Variants in NECAB1 observed in about 807,000 individuals in gnomAD.
NECAB1 encodes N-terminal EF-hand calcium-binding protein 1.
A neutral mutation model predicts 57.5 loss-of-function variants in NECAB1; 29 were observed. That is an observed-to-expected ratio of 0.50 (90% CI 0.38 to 0.69). The LOEUF (loss-of-function observed/expected upper bound fraction) is 0.69. NECAB1 is among the 30% of genes least tolerant of loss of function. The pLI, the probability that NECAB1 is intolerant of heterozygous loss-of-function variation, is 0.00. For synonymous variants in NECAB1, 142 were observed against 147.7 expected, an observed-to-expected ratio of 0.96 and a Z score of 0.28; for missense variants, 372 against 413.8, an observed-to-expected ratio of 0.90 and a Z score of 0.88.
chr8:90,875,765 C>G (rs71528760), intron 4 of NECAB1, among the ~76,000 whole-genome samples: 1 of 150,910 alleles, frequency 6.6e-6, no homozygotes, highest in Non-Finnish European at 1.5e-5. Context: ...GTAATCCCAG[C>G]ACTTTGGGAG....
intron 3 of NECAB1, among the ~76,000 whole-genome samples, chr8:90,849,797 C>G (rs1194764418): frequency 6.7e-6 from 1 of 150,160 alleles, no homozygotes; most frequent in Non-Finnish European, 1.5e-5. Context: ...AGGTTCACGC[C>G]ATTCTCCTGC....
At chr8:90,903,204 TTAAA>T (rs1809550536) in intron 5 of NECAB1, among the ~76,000 whole-genome samples, 1 of 152,078 alleles carries the variant, frequency 6.6e-6, no homozygotes, top group Non-Finnish European at 1.5e-5. Context: ...AAGCATACAA[TTAAA>T]TATTTTTATT....
At chr8:90,803,818 G>A (rs1370545109) in intron 2 of NECAB1, among the ~76,000 whole-genome samples, 4 of 152,072 alleles carry the variant, frequency 2.6e-5, no homozygotes, top group African/African-American at 7.2e-5. Context: ...TGTGACCTCC[G>A]CCTCCTGTAA....
intron 5 of NECAB1, among the ~76,000 whole-genome samples, chr8:90,910,139 T>C (rs1809792999): frequency 6.6e-6 from 1 of 152,108 alleles, no homozygotes; most frequent in Non-Finnish European, 1.5e-5. Context: ...TACTAATTCT[T>C]TTCTGAATCC....
intron 3 of NECAB1, among the ~76,000 whole-genome samples, chr8:90,827,167 C>G (rs967444052): frequency 2.6e-5 from 4 of 151,984 alleles, no homozygotes; most frequent in Non-Finnish European, 5.9e-5. Flanking sequence ...AACAAATGCA[C>G]TATATATGCC....
At chr8:90,879,020 T>C (rs1262648893) in intron 4 of NECAB1, among the ~76,000 whole-genome samples, 1 of 143,648 alleles carries the variant, frequency 7.0e-6, no homozygotes, top group Non-Finnish European at 1.5e-5. Flanking sequence ...TTATATATAA[T>C]ATATATTATA....
At chr8:90,950,709 CGAG>C (rs1810909126) in intron 11 of NECAB1, among the ~76,000 whole-genome samples, 1 of 152,062 alleles carries the variant, frequency 6.6e-6, no homozygotes, top group South Asian at 2.1e-4. Context: ...TAGAAGGAAA[CGAG>C]GTAACTTATT....
chr8:90,892,540 T>C, intron 5 of NECAB1, among the ~76,000 whole-genome samples: 1 of 152,238 alleles, frequency 6.6e-6, no homozygotes, highest in East Asian at 1.9e-4. Flanking sequence ...GTGATTGTCA[T>C]ATTTGTACCC....
At chr8:90,866,746 G>A (rs933199173) in intron 3 of NECAB1, among the ~76,000 whole-genome samples, 4 of 152,092 alleles carry the variant, frequency 2.6e-5, no homozygotes, top group Non-Finnish European at 5.9e-5. Flanking sequence ...TAAACAGTCA[G>A]GAAACAGAAG....
intron 6 of NECAB1, among the ~76,000 whole-genome samples, chr8:90,920,583 A>C (rs1810084236): frequency 6.6e-6 from 1 of 152,196 alleles, no homozygotes; most frequent in Non-Finnish European, 1.5e-5. Context: ...TTCTCTCTAG[A>C]GGGATCCGTC....
chr8:90,878,951 T>G (rs1808779549), intron 4 of NECAB1, among the ~76,000 whole-genome samples: 1 of 146,400 alleles, frequency 6.8e-6, no homozygotes, highest in Non-Finnish European at 1.5e-5. Flanking sequence ...TTCTTATTTA[T>G]CTTCTAACTA....
intron 1 of NECAB1, among the ~76,000 whole-genome samples, 151 bp downstream of exon 1, chr8:90,792,136 T>C (rs1811586133): frequency 6.6e-6 from 1 of 152,208 alleles, no homozygotes; most frequent in Admixed American, 6.5e-5. Flanking sequence ...GGAACGACTG[T>C]CCCTTAACTT....
chr8:90,947,089 A>G (rs1810819972), intron 10 of NECAB1, among the ~76,000 whole-genome samples: 1 of 152,000 alleles, frequency 6.6e-6, no homozygotes, highest in Non-Finnish European at 1.5e-5. Context: ...CACCACCACC[A>G]CCATTAATAC....
intron 3 of NECAB1, among the ~76,000 whole-genome samples, chr8:90,871,237 T>C (rs1294610135): frequency 6.6e-6 from 1 of 152,184 alleles, no homozygotes; most frequent in African/African-American, 2.4e-5. Context: ...TTGAGTTCTA[T>C]TTCTATTTCA....
chr8:90,875,764 G>A (rs1328407521), intron 4 of NECAB1, among the ~76,000 whole-genome samples: 1 of 151,142 alleles, frequency 6.6e-6, no homozygotes, highest in Non-Finnish European at 1.5e-5. Context: ...TGTAATCCCA[G>A]CACTTTGGGA....
intron 1 of NECAB1, among the ~76,000 whole-genome samples, chr8:90,793,718 A>G (rs984389897): frequency 6.6e-6 from 1 of 152,106 alleles, no homozygotes; most frequent in African/African-American, 2.4e-5. Context: ...TTCTGACCTG[A>G]TCTTCACTCT....
intron 7 of NECAB1, among the ~76,000 whole-genome samples, chr8:90,926,746 T>C (rs559929920): frequency 1.3e-5 from 2 of 152,306 alleles, no homozygotes; most frequent in South Asian, 4.1e-4. Context: ...AAATTATACA[T>C]GCATATTAAA....
In NECAB1 at chr8:90,925,663, T is replaced by C; in HGVS notation, c.616+7T>C. 2 of 1,613,528 alleles carry C rather than the reference T, an allele frequency of 1.2e-6. No homozygotes were observed. Among genetic ancestry groups the C allele is most frequent in the East Asian group, 4.5e-5 (2 of 44,848 alleles). ...TTTAATGTCAGCGGTCCAGGTAACATACCCTTCATTTGTTTTTATTTGTCA... is the reference window on the plus strand; with the variant it reads ...TTTAATGTCAGCGGTCCAGGTAACACACCCTTCATTTGTTTTTATTTGTCA... On this transcript the variant is annotated splice_region_variant and intron_variant, in intron 7 of 12. Coordinates refer to ENST00000417640, the MANE Select transcript of NECAB1 (RefSeq NM_022351.5).
At chr8:90,944,339 T>C (rs2740785) in intron 10 of NECAB1, among the ~76,000 whole-genome samples, 79,929 of 151,860 alleles carry the variant, frequency 0.53, 24,432 homozygotes, top group African/African-American at 0.83. Context: ...TAGGAGACTC[T>C]GAAGTATGGG....
Sources: gnomAD v4.1 joint callset for allele counts (sites outside exome capture counted in the v4.1 genomes callset) on GRCh38, gnomAD v4.1.1 for gene constraint, MANE v1.5 for transcripts, NCBI Gene and HGNC (gene_info 2026-07-23, HGNC 2026-07-21) for gene names.